LYPD4: variants seen among roughly 807,000 people sequenced by gnomAD.
The protein encoded by LYPD4 is LY6/PLAUR domain containing 4, also known as ly6/PLAUR domain-containing protein 4.
LYPD4 carries 20 observed loss-of-function variants against 18.2 expected under a neutral mutation model. The observed-to-expected ratio is 1.10, with a 90% CI of 0.77 to 1.59. LYPD4 has a LOEUF of 1.59. Among genes scored for constraint, LYPD4 ranks in the 40% most tolerant of loss-of-function variants. LYPD4 has a pLI of 0.00. For missense variants in LYPD4, 278 were observed against 300.3 expected, an observed-to-expected ratio of 0.93 and a Z score of 0.55; for synonymous variants, 111 against 118.3, an observed-to-expected ratio of 0.94 and a Z score of 0.40.
At position 41,837,155 on chromosome 19, in the gene LYPD4, G is replaced by A; in HGVS notation, c.729C>T (p.Ala243=). ...AWGVVLGLLF[A]FRD Reference sequence around the variant, plus strand: ...TGCAGCTAGATGGTCAGTCCCTGAAGGCAAACAGGAGGCCTAAGACGACAC... The same window carrying A: ...TGCAGCTAGATGGTCAGTCCCTGAAAGCAAACAGGAGGCCTAAGACGACAC... The change falls in exon 5 of 5, where the codon GCC becomes GCT. Residue 243 remains alanine, a synonymous_variant. Transcript: ENST00000609812. 1 of 1,613,954 alleles carries A rather than the reference G, an allele frequency of 6.2e-7. No individual in the cohort carries two copies. Among genetic ancestry groups the A allele is most frequent in the Non-Finnish European group, 8.5e-7 (1 of 1,179,888 alleles).
intron 4 of LYPD4, 90 bp downstream of exon 4, chr19:41,837,845 G>C (rs1008048322): frequency 1.5e-6 from 2 of 1,353,542 alleles, no homozygotes; most frequent in African/African-American, 1.5e-5. Flanking sequence ...TCCCATCTCT[G>C]GATCCCACCA....
chr19:41,835,630 G>A, downstream of LYPD4: 1 of 216,320 alleles, frequency 4.6e-6, no homozygotes, highest in Non-Finnish European at 7.9e-6. Flanking sequence ...TCGTAGGCTC[G>A]CTGGTCTCCA....
At chr19:41,839,964 G>A (rs1012087260) in intron 1 of LYPD4, among the ~76,000 whole-genome samples, 7 of 151,398 alleles carry the variant, frequency 4.6e-5, no homozygotes, top group South Asian at 2.1e-4. Context: ...CATGAGAATC[G>A]CTTGAACCCA....
At chr19:41,836,144 G>C (rs570326114), downstream of LYPD4, among the ~76,000 whole-genome samples, 9 of 151,422 alleles carry the variant, frequency 5.9e-5, no homozygotes, top group South Asian at 1.9e-3. Context: ...TGAAGTTGCA[G>C]GGTGAGTGTA....
At chr19:41,835,484 T>A (rs1282955384), downstream of LYPD4, 1 of 152,264 alleles carries the variant, frequency 6.6e-6, no homozygotes, top group Non-Finnish European at 1.5e-5. Context: ...TGTGGAAGTA[T>A]GTCTTGGCCC....
At chr19:41,839,562 G>A (rs527792357) in intron 1 of LYPD4, 157 bp from the exon 2 acceptor site, 6 of 485,458 alleles carry the variant, frequency 1.2e-5, no homozygotes, top group East Asian at 7.0e-5. Flanking sequence ...CTCCCACTTA[G>A]GTCCTCCCAT....
intron 2 of LYPD4, 40 bp from the exon 3 acceptor site, chr19:41,839,064 T>C: frequency 6.2e-7 from 1 of 1,611,792 alleles, no homozygotes; most frequent in South Asian, 1.1e-5. Context: ...GCCCCTCATA[T>C]CATCTTCTGA....
chr19:41,840,430 T>G (rs1189696862), intron 1 of LYPD4, among the ~76,000 whole-genome samples: 1 of 152,036 alleles, frequency 6.6e-6, no homozygotes, highest in Non-Finnish European at 1.5e-5. Flanking sequence ...TATACTATGG[T>G]TATATAAGAT....
chr19:41,838,401 C>A, intron 3 of LYPD4, 140 bp from the exon 4 acceptor site: 1 of 666,650 alleles, frequency 1.5e-6, no homozygotes, highest in East Asian at 3.0e-5. Flanking sequence ...CCACTCAGTG[C>A]AGCTGCACAG....
At chr19:41,840,006 G>A (rs1174869435) in intron 1 of LYPD4, among the ~76,000 whole-genome samples, 51 of 150,644 alleles carry the variant, frequency 3.4e-4, no homozygotes, top group Admixed American at 3.2e-3. Flanking sequence ...CCGAGATCGC[G>A]CCACTGCACT....
At chr19:41,842,434 G>C (rs868943904) in intron 1 of LYPD4, among the ~76,000 whole-genome samples, 1 of 152,032 alleles carries the variant, frequency 6.6e-6, no homozygotes, top group Non-Finnish European at 1.5e-5. Flanking sequence ...GGAATATCAC[G>C]CAGGAGTTGG....
intron 1 of LYPD4, among the ~76,000 whole-genome samples, chr19:41,840,056 A>G (rs2073527779): frequency 6.6e-6 from 1 of 152,068 alleles, no homozygotes; most frequent in Admixed American, 6.6e-5. Context: ...ATTTCAAAAA[A>G]AAAAAAAGTA....
Position 41,837,976 on chromosome 19 carries a change from G to A in LYPD4, c.497C>T (p.Ala166Val). The A allele has an allele frequency of 5.0e-6, 8 of 1,613,732 alleles. No homozygotes were observed. Among genetic ancestry groups the A allele is most frequent in the Non-Finnish European group, 6.8e-6 (8 of 1,179,708 alleles). ...GGTGGAACTGTAACACGTAGAAGCA[G>A]CCAAGGGGCAAGAATTAGTGGTGAC... ...NFVTTNSCPL[A>V]ASTCYSSTLK... The change falls in exon 4 of 5, where the codon GCT (alanine) becomes GTT (valine). Residue 166 changes from alanine to valine, a missense_variant. Ala to Val is a moderately conservative substitution (Grantham distance 64). Coordinates refer to ENST00000609812, the MANE Select transcript of LYPD4 (RefSeq NM_173506.7).
chr19:41,836,887 C>T (rs920190583), downstream of LYPD4, among the ~76,000 whole-genome samples: 2 of 152,022 alleles, frequency 1.3e-5, no homozygotes, highest in African/African-American at 2.4e-5. Context: ...GTAGCTGAAC[C>T]CAGGCTGGAG....
rs1555831570 is a variant in LYPD4 at position 41,838,266 on chromosome 19, G to A, written c.212-5C>T. 6.6e-7 allele frequency: 1 copy of A among 1,520,068 alleles called. No individual in the cohort carries two copies. Among genetic ancestry groups the A allele is most frequent in the African/African-American group, 1.4e-5 (1 of 71,952 alleles). The allele number at this position is 1,520,068 out of a possible 1,614,324, so 94.2% of individuals were successfully genotyped here. A position where few individuals can be genotyped will look rare whatever the true frequency, so the allele number is the denominator to read the frequency against. On this transcript the variant is annotated splice_polypyrimidine_tract_variant and splice_region_variant and intron_variant, in intron 3 of 4. Transcript: ENST00000609812. The stretch of plus-strand genomic sequence containing the variant: ...CCACGACTCCCCTTGCAGTCCCTGA[G>A]GAGCAGAGGATTGAGAGAGCTCAGA...
downstream of LYPD4, among the ~76,000 whole-genome samples, chr19:41,836,327 A>AAAAAAAAAAG (rs2073373758): frequency 7.6e-6 from 1 of 131,548 alleles, no homozygotes; most frequent in African/African-American, 2.9e-5. Flanking sequence ...AAAAAAAAAA[A>AAAAAAAAAAG]CAACTACTGA....
chr19:41,839,453 C>T (rs545603770), intron 1 of LYPD4, 48 bp from the exon 2 acceptor site: 2 of 636,726 alleles, frequency 3.1e-6, no homozygotes, highest in South Asian at 1.9e-5. Context: ...TAGGCTCCCT[C>T]AGACCTTCTG....
intron 1 of LYPD4, among the ~76,000 whole-genome samples, chr19:41,842,593 ACT>A (rs1303263150): frequency 6.6e-6 from 1 of 151,474 alleles, no homozygotes; most frequent in African/African-American, 2.4e-5. Context: ...TCCTGACTCT[ACT>A]AAAAATACAA....
chr19:41,843,420 C>G (rs1555834227), intron 1 of LYPD4, among the ~76,000 whole-genome samples, 158 bp downstream of exon 1: 1 of 151,990 alleles, frequency 6.6e-6, no homozygotes. Context: ...TCTTTATAAT[C>G]GTTGGTTACC....
Sources: gnomAD v4.1 joint callset for allele counts (sites outside exome capture counted in the v4.1 genomes callset) on GRCh38, gnomAD v4.1.1 for gene constraint, MANE v1.5 for transcripts, NCBI Gene and HGNC (gene_info 2026-07-23, HGNC 2026-07-21) for gene names.